Variants in AASS observed in about 807,000 individuals in gnomAD.
AASS encodes the protein alpha-aminoadipic semialdehyde synthase, mitochondrial.
A neutral mutation model predicts 105.4 loss-of-function variants in AASS; 86 were observed. The observed-to-expected ratio is 0.82, with a 90% CI of 0.69 to 0.98. The LOEUF is 0.98. Among genes scored for constraint, AASS ranks in the 50% least tolerant of loss-of-function variants. AASS has a pLI of 0.00. For missense variants in AASS, 1,048 were observed against 1,143.2 expected (o/e 0.92, Z 1.20); for synonymous variants, 381 against 394.8 (o/e 0.96, Z 0.41).
chr7:122,123,159 T>C (rs1271391455), intron 4 of AASS, among the ~76,000 whole-genome samples: 1 of 152,192 alleles, frequency 6.6e-6, no homozygotes. Context: ...CATCCTCCAC[T>C]TAGCAAGACC....
chr7:122,086,070 GCATATTTCGTA>G lies in AASS; in HGVS notation c.2115_2125del (p.Thr706Ter). On this transcript the variant is annotated frameshift_variant, in exon 19 of 24. Transcript: ENST00000417368. LOFTEE classifies it high-confidence loss of function. ...AGCAGAAGAAATGCCATAAATCTCA[GCATATTTCGTA>G]CTGTCTCTGTTAGGATAGCCTTCCA... 1 of 1,613,522 alleles carries G rather than the reference GCATATTTCGTA, an allele frequency of 6.2e-7. No individual in the cohort carries two copies.
chr7:122,135,751 T>C (rs1480115100), intron 1 of AASS, among the ~76,000 whole-genome samples: 1 of 152,162 alleles, frequency 6.6e-6, no homozygotes, highest in African/African-American at 2.4e-5. Flanking sequence ...TAGTTATTTT[T>C]TCCCTCAGCT....
At chr7:122,095,328 G>A (rs777467227) in intron 15 of AASS, among the ~76,000 whole-genome samples, 6 of 152,008 alleles carry the variant, frequency 3.9e-5, no homozygotes, top group East Asian at 1.9e-4. Context: ...TTGGCTCTGG[G>A]ACTGCATAAT....
chr7:122,105,752 A>T (rs1442034675), intron 11 of AASS, among the ~76,000 whole-genome samples: 2 of 152,048 alleles, frequency 1.3e-5, no homozygotes, highest in Non-Finnish European at 2.9e-5. Flanking sequence ...AGTTTATAGC[A>T]ATTTTGAAAT....
chr7:122,103,161 C>T (rs1210646298), intron 11 of AASS, among the ~76,000 whole-genome samples: 1 of 151,930 alleles, frequency 6.6e-6, no homozygotes, highest in Non-Finnish European at 1.5e-5. Context: ...AAAGAGGTCC[C>T]TTTATAATTA....
chr7:122,134,255 T>G (rs879777911), intron 1 of AASS, among the ~76,000 whole-genome samples: 1 of 152,204 alleles, frequency 6.6e-6, no homozygotes, highest in Non-Finnish European at 1.5e-5. Context: ...GTCAGTGAAC[T>G]GCACTGAACT....
At position 122,074,022 on chromosome 7, in the gene AASS, A is replaced by G. The variant is rs886320980; in HGVS notation, c.*2467T>C. 1.3e-5 allele frequency among the ~76,000 whole-genome samples: 2 copies of G among 152,094 alleles called. No individual in the cohort carries two copies. Among genetic ancestry groups the G allele is most frequent in the African/African-American group, 4.8e-5 (2 of 41,348 alleles). On this transcript the variant is annotated 3_prime_UTR_variant, in exon 24 of 24. Transcript: ENST00000417368. ...CTGTTTCAATTTTGGGCTATTATAA[A>G]TAATGCTGCAAAGAACATCTGTGCA... is the stretch of plus-strand genomic sequence containing the variant.
intron 19 of AASS, among the ~76,000 whole-genome samples, chr7:122,082,414 C>T (rs1292331255): frequency 6.6e-6 from 1 of 152,124 alleles, no homozygotes. Context: ...CTCCTCCCTT[C>T]AGACCCAGTT....
intron 11 of AASS, 146 bp from the exon 12 acceptor site, chr7:122,101,826 A>T: frequency 2.9e-6 from 2 of 681,680 alleles, no homozygotes; most frequent in Non-Finnish European, 5.2e-6. Flanking sequence ...AGTGATTGCT[A>T]ATAGAAGTCT....
At chr7:122,126,916 C>T (rs1318734612) in intron 3 of AASS, among the ~76,000 whole-genome samples, 1 of 152,158 alleles carries the variant, frequency 6.6e-6, no homozygotes, top group Non-Finnish European at 1.5e-5. Context: ...CTCTTTCTTG[C>T]ATCATCCATC....
rs1793614849 is a variant in AASS, at chr7:122,086,181, T to G, written c.2017-2A>C. Reference sequence around the variant, plus strand: ...GATGCCTCCTGCAACATTCACAACCTGAGGAACATTGAGAAGGCACACATG... The same window carrying G: ...GATGCCTCCTGCAACATTCACAACCGGAGGAACATTGAGAAGGCACACATG... On this transcript the variant is annotated splice_acceptor_variant, in intron 18 of 23. Coordinates refer to ENST00000417368, the MANE Select transcript of AASS (RefSeq NM_005763.4). LOFTEE classifies it high-confidence loss of function. 1 of 1,612,854 alleles carries G rather than the reference T, an allele frequency of 6.2e-7. No individual in the cohort carries two copies. The highest frequency in any genetic ancestry group is 8.5e-7 in the Non-Finnish European group (1 of 1,179,512).
chr7:122,098,585 G>C lies in AASS; in HGVS notation c.1529-9C>G. 1 of 1,605,218 alleles carries C rather than the reference G, an allele frequency of 6.2e-7. No homozygotes were observed. Among genetic ancestry groups the C allele is most frequent in the Non-Finnish European group, 8.5e-7 (1 of 1,173,846 alleles). The stretch of plus-strand genomic sequence containing the variant: ...ATTCTTCATGTCAGATCCTATTTCA[G>C]TAATTAAAAGTCACATTTTTAGATA... On this transcript the variant is annotated splice_polypyrimidine_tract_variant and intron_variant, in intron 14 of 23. Transcript: ENST00000417368.
intron 6 of AASS, 101 bp downstream of exon 6, chr7:122,118,206 C>T (rs562466264): frequency 7.5e-7 from 1 of 1,335,842 alleles, no homozygotes; most frequent in African/African-American, 1.4e-5. Flanking sequence ...AAAATAGAAT[C>T]TCCAGTCCAT....
intron 19 of AASS, among the ~76,000 whole-genome samples, chr7:122,082,035 A>G (rs948094680): frequency 6.6e-6 from 1 of 152,194 alleles, no homozygotes; most frequent in Non-Finnish European, 1.5e-5. Context: ...CTTTCTTATA[A>G]TGGAAGGAGG....
chr7:122,115,030 G>T, intron 9 of AASS, 44 bp downstream of exon 9: 1 of 1,613,638 alleles, frequency 6.2e-7, no homozygotes, highest in Non-Finnish European at 8.5e-7. Context: ...AATAATGGAA[G>T]CAGCTGGTCA....
chr7:122,084,784 C>T (rs778237546), intron 19 of AASS, among the ~76,000 whole-genome samples: 4 of 152,008 alleles, frequency 2.6e-5, no homozygotes, highest in Non-Finnish European at 4.4e-5. Context: ...ATGTGCCTTA[C>T]ATCTTCCAGA....
At chr7:122,142,454 T>C (rs573205639) in intron 1 of AASS, among the ~76,000 whole-genome samples, 1 of 152,288 alleles carries the variant, frequency 6.6e-6, no homozygotes, top group East Asian at 1.9e-4. Context: ...AAAAAAATAA[T>C]TAGAGCCCAA....
chr7:122,103,676 G>A (rs145267471), intron 11 of AASS, among the ~76,000 whole-genome samples: 2,042 of 151,912 alleles, frequency 0.013, 19 homozygotes, highest in Middle Eastern at 0.027. Flanking sequence ...TAAGAAATAT[G>A]TAAGCTAAAA....
intron 4 of AASS, among the ~76,000 whole-genome samples, chr7:122,119,700 G>A (rs1795351935): frequency 6.6e-6 from 1 of 152,100 alleles, no homozygotes; most frequent in African/African-American, 2.4e-5. Context: ...ACACATCTGT[G>A]TTATTACCGC....
Sources: gnomAD v4.1 joint callset for allele counts (sites outside exome capture counted in the v4.1 genomes callset) on GRCh38, gnomAD v4.1.1 for gene constraint, MANE v1.5 for transcripts, NCBI Gene and HGNC (gene_info 2026-07-23, HGNC 2026-07-21) for gene names.